Variants in MLLT3 observed in about 807,000 individuals in gnomAD.
The protein encoded by MLLT3 is protein AF-9.
In MLLT3, 4 loss-of-function variants were observed where a neutral mutation model predicts 53.2. That is an observed-to-expected ratio of 0.08 (90% CI 0.04 to 0.17). The LOEUF is 0.17. Among genes scored for constraint, MLLT3 ranks in the 10% least tolerant of loss-of-function variants. The probability of loss-of-function intolerance (pLI) is 1.00; values close to 1 mark genes in which losing one functional copy is unlikely to be tolerated. For missense variants in MLLT3, 569 were observed against 684.0 expected (o/e 0.83, Z 1.87); for synonymous variants, 283 against 230.6 (o/e 1.23, Z -2.06).
chr9:20,394,308 C>T (rs1822265233), intron 5 of MLLT3, among the ~76,000 whole-genome samples: 1 of 152,080 alleles, frequency 6.6e-6, no homozygotes, highest in South Asian at 2.1e-4. Context: ...AGCAGTTCTT[C>T]CGATCTGAAC....
At chr9:20,468,733 G>A (rs1438510802) in intron 2 of MLLT3, among the ~76,000 whole-genome samples, 1 of 152,178 alleles carries the variant, frequency 6.6e-6, no homozygotes, top group African/African-American at 2.4e-5. Context: ...TTCAGAGGCT[G>A]CTTCCACATC....
chr9:20,582,812 C>T (rs903490248), intron 2 of MLLT3, among the ~76,000 whole-genome samples: 2 of 152,296 alleles, frequency 1.3e-5, no homozygotes, highest in Admixed American at 1.3e-4. Flanking sequence ...TTACTTCCCC[C>T]TGGGTCCCTC....
At chr9:20,553,281 C>T (rs905837247) in intron 2 of MLLT3, among the ~76,000 whole-genome samples, 4 of 152,206 alleles carry the variant, frequency 2.6e-5, no homozygotes, top group Non-Finnish European at 5.9e-5. Flanking sequence ...GGCAGACATT[C>T]TGGTTATTTC....
chr9:20,401,341 C>G (rs1822449511), intron 5 of MLLT3, among the ~76,000 whole-genome samples: 2 of 151,788 alleles, frequency 1.3e-5, no homozygotes, highest in Non-Finnish European at 2.9e-5. Context: ...ATATATTTAC[C>G]TAATTAGAAA....
chr9:20,563,632 T>A (rs886809998), intron 2 of MLLT3, among the ~76,000 whole-genome samples: 11 of 152,094 alleles, frequency 7.2e-5, no homozygotes, highest in African/African-American at 1.7e-4. Flanking sequence ...TCTCTTACAA[T>A]CCTAAAGCCT....
intron 2 of MLLT3, among the ~76,000 whole-genome samples, chr9:20,496,576 T>C (rs1474633307): frequency 2.0e-5 from 3 of 152,176 alleles, no homozygotes; most frequent in Non-Finnish European, 4.4e-5. Context: ...AAATAAGCAC[T>C]ACAATTACAA....
At chr9:20,544,152 C>T (rs1294207751) in intron 2 of MLLT3, among the ~76,000 whole-genome samples, 3 of 152,182 alleles carry the variant, frequency 2.0e-5, no homozygotes, top group Non-Finnish European at 2.9e-5. Context: ...TGGATTTCCA[C>T]ATGCCAGAAA....
intron 4 of MLLT3, among the ~76,000 whole-genome samples, chr9:20,438,040 C>A (rs563083457): frequency 1.3e-5 from 2 of 152,104 alleles, no homozygotes; most frequent in Non-Finnish European, 2.9e-5. Flanking sequence ...TTATAGATAT[C>A]TATGAATGCT....
chr9:20,612,450 AG>A (rs1820725898), intron 2 of MLLT3, among the ~76,000 whole-genome samples: 1 of 152,314 alleles, frequency 6.6e-6, no homozygotes, highest in Admixed American at 6.5e-5. Flanking sequence ...TAAGACCCTA[AG>A]CCCAGAGAGG....
chr9:20,555,615 A>C (rs1002888992), intron 2 of MLLT3, among the ~76,000 whole-genome samples: 6 of 152,164 alleles, frequency 3.9e-5, no homozygotes, highest in African/African-American at 1.4e-4. Flanking sequence ...CTTCCTTGTA[A>C]AATAATATGC....
intron 5 of MLLT3, among the ~76,000 whole-genome samples, chr9:20,407,308 C>G (rs747031549): frequency 1.3e-5 from 2 of 152,232 alleles, no homozygotes; most frequent in Admixed American, 1.3e-4. Context: ...GAAAAATAAT[C>G]CTGATGATAT....
intron 4 of MLLT3, among the ~76,000 whole-genome samples, chr9:20,434,180 G>A (rs999489089): frequency 1.3e-5 from 2 of 152,066 alleles, no homozygotes; most frequent in Admixed American, 6.6e-5. Flanking sequence ...CAAAACTGGA[G>A]TAGGATCTGA....
intron 2 of MLLT3, among the ~76,000 whole-genome samples, chr9:20,465,383 T>C (rs1357106756): frequency 1.3e-5 from 2 of 152,156 alleles, no homozygotes; most frequent in Admixed American, 6.5e-5. Context: ...GAGTTACTTT[T>C]AAATACGCTA....
chr9:20,599,319 A>AG lies in MLLT3; in HGVS notation c.193+21334_193+21335insC, dbSNP rs1233691815. The stretch of plus-strand genomic sequence containing the variant: ...ACTCTGTCTCCAAAAAAAAAAAAAA[A>AG]AGAGAATTTTCTTTGAGTATCATGC... On this transcript the variant is annotated intron_variant, in intron 2 of 10. Transcript: ENST00000380338. 2.9e-3 allele frequency among the ~76,000 whole-genome samples: 438 copies of AG among 152,066 alleles called. 3 individuals carry two copies. The highest frequency in any genetic ancestry group is 0.01 in the African/African-American group (420 of 41,478).
intron 4 of MLLT3, among the ~76,000 whole-genome samples, chr9:20,440,257 T>C (rs759021650): frequency 7.2e-5 from 11 of 152,184 alleles, no homozygotes; most frequent in Admixed American, 7.2e-4. Flanking sequence ...TCAAACATTC[T>C]TTCTGTTATA....
At chr9:20,594,519 C>T (rs961574214) in intron 2 of MLLT3, among the ~76,000 whole-genome samples, 2 of 152,108 alleles carry the variant, frequency 1.3e-5, no homozygotes, top group African/African-American at 4.8e-5. Context: ...CAGAGCAAGT[C>T]CATGTTGAAT....
intron 2 of MLLT3, among the ~76,000 whole-genome samples, chr9:20,472,122 T>C (rs954909590): frequency 6.6e-6 from 1 of 152,102 alleles, no homozygotes; most frequent in African/African-American, 2.4e-5. Context: ...TAATGTGTTA[T>C]AGCTATCAAA....
rs16938068 is a variant in MLLT3 at position 20,471,251 on chromosome 9, T to G, written c.194-14465A>C. 9.9e-3 allele frequency among the ~76,000 whole-genome samples: 1,512 copies of G among 152,136 alleles called. 16 individuals are homozygous for G. The highest frequency in any genetic ancestry group is 0.033 in the African/African-American group (1,380 of 41,530). On this transcript the variant is annotated intron_variant, in intron 2 of 10. Coordinates refer to ENST00000380338, the MANE Select transcript of MLLT3 (RefSeq NM_004529.4). ...TTTTTGCTTATTTGGATCTTCTCAT[T>G]TTTCTACAAAAACAAAAATTATTAC... is the stretch of plus-strand genomic sequence containing the variant.
intron 2 of MLLT3, among the ~76,000 whole-genome samples, chr9:20,515,571 A>G (rs1445948747): frequency 6.6e-6 from 1 of 152,204 alleles, no homozygotes; most frequent in African/African-American, 2.4e-5. Flanking sequence ...CTGTGAGATC[A>G]TTAGTCCCTT....
Sources: allele counts gnomAD v4.1 joint callset (sites outside exome capture counted in the v4.1 genomes callset), GRCh38; gene constraint gnomAD v4.1.1; transcripts MANE v1.5; gene names NCBI Gene and HGNC (gene_info 2026-07-23, HGNC 2026-07-21).